The following DGKB variants were observed in gnomAD, a reference collection of about 807,000 sequenced individuals.
DGKB encodes the protein 90 kDa diacylglycerol kinase.
Under a neutral mutation model 114.3 loss-of-function variants are expected in DGKB, and 67 were observed. The observed-to-expected ratio is 0.59, with a 90% CI of 0.48 to 0.72. The LOEUF (loss-of-function observed/expected upper bound fraction) is 0.72, where lower values mean the gene tolerates loss of function less well. DGKB is among the 30% of genes least tolerant of loss of function. DGKB has a pLI of 0.00. For missense variants in DGKB, 907 were observed against 975.2 expected (o/e 0.93, Z 0.93); for synonymous variants, 398 against 323.1 (o/e 1.23, Z -2.49).
At chr7:14,350,823 A>G (rs1383667732) in intron 21 of DGKB, among the ~76,000 whole-genome samples, 1 of 152,166 alleles carries the variant, frequency 6.6e-6, no homozygotes, top group African/African-American at 2.4e-5. Flanking sequence ...TTTTCAAATA[A>G]AAACAAAATC....
rs74879901 is a variant in DGKB, at chr7:14,204,309, G to A, written c.2123-26158C>T. ...TGAAAACTTGAGGGGCCTTATATATGTACCCATGTTTAATCCTGATGTGGC... is the reference window on the plus strand; with the variant it reads ...TGAAAACTTGAGGGGCCTTATATATATACCCATGTTTAATCCTGATGTGGC... On this transcript the variant is annotated intron_variant, in intron 23 of 25. Transcript: ENST00000402815. Among the ~76,000 whole-genome samples, 698 of 151,966 alleles carry A rather than the reference G, an allele frequency of 4.6e-3. 7 individuals carry two copies. Among genetic ancestry groups the A allele is most frequent in the African/African-American group, 0.016 (667 of 41,486 alleles).
At chr7:14,299,921 A>C (rs1803230531) in intron 23 of DGKB, among the ~76,000 whole-genome samples, 1 of 150,118 alleles carries the variant, frequency 6.7e-6, no homozygotes, top group Non-Finnish European at 1.5e-5. Flanking sequence ...CACAAAAAAA[A>C]TACAAAAAAG....
Position 14,352,068 on chromosome 7 carries a change from A to G in DGKB, c.1836-6677T>C, listed in dbSNP as rs181981728. 3.2e-3 allele frequency among the ~76,000 whole-genome samples: 491 copies of G among 152,316 alleles called. 5 individuals carry two copies. Among genetic ancestry groups the G allele is most frequent in the African/African-American group, 0.011 (466 of 41,568 alleles). ...AAATTTATTCAAATGACAGATAAAA[A>G]TGCTTGTATCTAATGCTCATTCATA... On this transcript the variant is annotated intron_variant, in intron 21 of 25. Coordinates refer to ENST00000402815, the MANE Select transcript of DGKB (RefSeq NM_001350709.2).
intron 23 of DGKB, among the ~76,000 whole-genome samples, chr7:14,235,326 T>A (rs1305701013): frequency 6.6e-6 from 1 of 152,088 alleles, no homozygotes; most frequent in Non-Finnish European, 1.5e-5. Context: ...AATGGAATGG[T>A]CTCTCTACAG....
intron 1 of DGKB, among the ~76,000 whole-genome samples, chr7:14,935,376 C>A (rs916081267): frequency 5.3e-5 from 8 of 151,990 alleles, no homozygotes; most frequent in African/African-American, 1.9e-4. Context: ...GAATGCCAAC[C>A]AAAATGGTTT....
chr7:14,935,723 C>T (rs1785239881), intron 1 of DGKB, among the ~76,000 whole-genome samples: 1 of 152,032 alleles, frequency 6.6e-6, no homozygotes, highest in Non-Finnish European at 1.5e-5. Context: ...CCTCTTCTCT[C>T]CTTTCCTCTC....
chr7:14,865,925 A>T (rs1305645635), intron 1 of DGKB, among the ~76,000 whole-genome samples: 1 of 152,274 alleles, frequency 6.6e-6, no homozygotes, highest in East Asian at 1.9e-4. Context: ...CTTAAAATAT[A>T]ACTTTCATGA....
At chr7:14,921,568 T>C (rs1213365030) in intron 1 of DGKB, among the ~76,000 whole-genome samples, 2 of 152,220 alleles carry the variant, frequency 1.3e-5, no homozygotes, top group South Asian at 2.1e-4. Flanking sequence ...GCAAATGTTT[T>C]TGATTGTTAT....
intron 21 of DGKB, among the ~76,000 whole-genome samples, chr7:14,435,147 C>A (rs1829051135): frequency 1.3e-5 from 2 of 152,076 alleles, no homozygotes; most frequent in Admixed American, 6.6e-5. Flanking sequence ...ATCTCTCAAC[C>A]TCTACCTAAA....
At chr7:14,866,422 C>T (rs1851723284) in intron 1 of DGKB, among the ~76,000 whole-genome samples, 1 of 152,300 alleles carries the variant, frequency 6.6e-6, no homozygotes, top group Non-Finnish European at 1.5e-5. Flanking sequence ...CCCCACAACC[C>T]TTTGCAAACA....
intron 3 of DGKB, among the ~76,000 whole-genome samples, chr7:14,754,807 A>G (rs1315706591): frequency 2.0e-5 from 3 of 152,182 alleles, no homozygotes; most frequent in African/African-American, 4.8e-5. Flanking sequence ...TGAGTCATTA[A>G]TATGTATGTG....
chr7:14,642,370 C>T (rs1360772600), intron 13 of DGKB, among the ~76,000 whole-genome samples: 2 of 151,982 alleles, frequency 1.3e-5, no homozygotes, highest in African/African-American at 4.8e-5. Context: ...TTTTGAGTTG[C>T]ATAACTATTA....
At chr7:14,381,622 A>G (rs777265664) in intron 21 of DGKB, among the ~76,000 whole-genome samples, 2 of 151,966 alleles carry the variant, frequency 1.3e-5, no homozygotes, top group African/African-American at 4.8e-5. Flanking sequence ...TGCTTTGTCT[A>G]TTTTCTTTAG....
chr7:14,863,976 G>A (rs1465829115), intron 1 of DGKB, among the ~76,000 whole-genome samples: 1 of 151,750 alleles, frequency 6.6e-6, no homozygotes, highest in Non-Finnish European at 1.5e-5. Context: ...GCACATGCCT[G>A]TAATCCCAGC....
intron 17 of DGKB, among the ~76,000 whole-genome samples, chr7:14,592,953 A>G (rs1416008776): frequency 1.3e-5 from 2 of 152,022 alleles, no homozygotes; most frequent in East Asian, 3.9e-4. Flanking sequence ...GTTTTGAGAT[A>G]TTGTGTGGAA....
intron 20 of DGKB, among the ~76,000 whole-genome samples, chr7:14,542,156 T>C (rs1793568778): frequency 2.0e-5 from 3 of 152,046 alleles, no homozygotes; most frequent in Admixed American, 1.3e-4. Context: ...ACACTCTTTT[T>C]AAATAAATTA....
intron 2 of DGKB, among the ~76,000 whole-genome samples, chr7:14,775,236 T>A (rs1191765868): frequency 6.6e-6 from 1 of 151,862 alleles, no homozygotes; most frequent in African/African-American, 2.4e-5. Context: ...ATTCATACTA[T>A]CAACAGTATT....
At chr7:14,615,014 TCAAA>T (rs1449376869) in intron 15 of DGKB, among the ~76,000 whole-genome samples, 2 of 152,052 alleles carry the variant, frequency 1.3e-5, no homozygotes, top group Non-Finnish European at 2.9e-5. Flanking sequence ...AAAACTAAAA[TCAAA>T]CAAACAACTA....
intron 24 of DGKB, 137 bp from the exon 25 acceptor site, chr7:14,177,036 G>A: frequency 1.1e-6 from 1 of 870,904 alleles, no homozygotes; most frequent in Non-Finnish European, 1.7e-6. Context: ...AATGAAAGGA[G>A]CTTCAACTCT....
Sources: gnomAD v4.1 joint callset for allele counts (sites outside exome capture counted in the v4.1 genomes callset) on GRCh38, gnomAD v4.1.1 for gene constraint, MANE v1.5 for transcripts, NCBI Gene and HGNC (gene_info 2026-07-23, HGNC 2026-07-21) for gene names.